Variants in ATP2B2 observed in about 807,000 individuals in gnomAD.
ATP2B2 encodes ATPase plasma membrane Ca2+ transporting 2, also known as plasma membrane calcium-transporting ATPase 2.
Under a neutral mutation model 120.0 loss-of-function variants are expected in ATP2B2, and 15 were observed. The ratio of observed to expected loss-of-function variants is 0.12; its 90% CI spans 0.08 to 0.19. ATP2B2 has a LOEUF of 0.19. ATP2B2 is among the 10% of genes least tolerant of loss of function. The pLI, the probability that ATP2B2 is intolerant of heterozygous loss-of-function variation, is 1.00. For synonymous variants in ATP2B2, 694 were observed against 700.3 expected (o/e 0.99, Z 0.14); for missense variants, 1,045 against 1,719.8 (o/e 0.61, Z 6.94).
intron 1 of ATP2B2, among the ~76,000 whole-genome samples, chr3:10,452,653 G>A (rs2064102818): frequency 6.9e-6 from 1 of 145,526 alleles, no homozygotes; most frequent in South Asian, 2.2e-4. Flanking sequence ...CAATGCAGTG[G>A]CTGGGGCTTG....
intron 1 of ATP2B2, among the ~76,000 whole-genome samples, chr3:10,647,356 C>A (rs185874349): frequency 2.3e-3 from 351 of 152,162 alleles, no homozygotes; most frequent in African/African-American, 8.1e-3. Flanking sequence ...GACATCTCAC[C>A]GTGAGATCAA....
chr3:10,542,462 G>A (rs1034060430), intron 2 of ATP2B2, among the ~76,000 whole-genome samples: 7 of 152,244 alleles, frequency 4.6e-5, no homozygotes, highest in African/African-American at 1.7e-4. Context: ...GATGTCCCAA[G>A]AATTCTTTTT....
intron 2 of ATP2B2, among the ~76,000 whole-genome samples, chr3:10,614,235 G>C (rs1207210701): frequency 6.6e-6 from 1 of 152,088 alleles, no homozygotes; most frequent in Non-Finnish European, 1.5e-5. Flanking sequence ...CGTATTCCTA[G>C]TGTTTGGCTC....
intron 2 of ATP2B2, among the ~76,000 whole-genome samples, chr3:10,590,396 A>G (rs892855256): frequency 1.3e-5 from 2 of 152,238 alleles, no homozygotes; most frequent in Non-Finnish European, 2.9e-5. Flanking sequence ...GTACGCTAAA[A>G]GTATGTTTTA....
chr3:10,597,226 C>T (rs965810579), intron 2 of ATP2B2, among the ~76,000 whole-genome samples: 1 of 150,094 alleles, frequency 6.7e-6, no homozygotes, highest in East Asian at 2.0e-4. Flanking sequence ...GGCACACACA[C>T]ACAGAGGCAC....
At chr3:10,692,390 G>A (rs1003385921) in intron 1 of ATP2B2, among the ~76,000 whole-genome samples, 1 of 152,172 alleles carries the variant, frequency 6.6e-6, no homozygotes, top group East Asian at 1.9e-4. Flanking sequence ...ATCTGGCCTC[G>A]CAGACTTTTT....
rs2059887564 is a variant in ATP2B2 at position 10,327,948 on chromosome 3, G to C, written c.*866C>G. 1.3e-5 allele frequency: 2 copies of C among 152,616 alleles called. No homozygotes were observed. Among genetic ancestry groups the C allele is most frequent in the African/African-American group, 4.8e-5 (2 of 41,428 alleles). 9.5% of individuals were successfully genotyped at this position (152,616 alleles called of 1,614,324 possible). A position where few individuals can be genotyped will look rare whatever the true frequency, so the allele number is the denominator to read the frequency against. ...TCTGTTGGGCCGAGCTGTTTTTATA[G>C]CATCTCAGCCACCAGTGTTCTTAAA... On this transcript the variant is annotated 3_prime_UTR_variant, in exon 23 of 23. Coordinates refer to ENST00000360273, the MANE Select transcript of ATP2B2 (RefSeq NM_001001331.4).
At position 10,542,581 on chromosome 3, in the gene ATP2B2, C is replaced by T. The variant is rs368166112; in HGVS notation, c.-414-8448G>A. Among the ~76,000 whole-genome samples the T allele has an allele frequency of 6.6e-5, 10 of 152,098 alleles. No individual in the cohort carries two copies. In the East Asian group the frequency reaches 1.3e-3, roughly 20 times the overall value. Reference sequence around the variant, plus strand: ...TTCATCTGAGAATGTCTTGATTTCTCCTTCATTTTTGAAAAATATTTTTGC... The same window carrying T: ...TTCATCTGAGAATGTCTTGATTTCTTCTTCATTTTTGAAAAATATTTTTGC... On this transcript the variant is annotated intron_variant, in intron 2 of 21. Coordinates refer to the ATP2B2 transcript ENST00000646379.
chr3:10,512,910 C>T lies in ATP2B2; in HGVS notation c.-320+21129G>A, dbSNP rs1027269286. ...GTGTGACTTTGGGCAAGTCTCTCAA[C>T]CTCTCTGGCCTCAGGCTCCTCATTT... On this transcript the variant is annotated intron_variant, in intron 3 of 21. Coordinates refer to the ATP2B2 transcript ENST00000646379. 7.2e-5 allele frequency among the ~76,000 whole-genome samples: 11 copies of T among 152,238 alleles called. 1 individual carries two copies. The highest frequency in any genetic ancestry group is 5.9e-4 in the Admixed American group (9 of 15,286).
intron 1 of ATP2B2, among the ~76,000 whole-genome samples, chr3:10,627,189 G>A (rs2069727853): frequency 6.6e-6 from 1 of 152,216 alleles, no homozygotes; most frequent in African/African-American, 2.4e-5. Flanking sequence ...GAATCTGTCA[G>A]ATTGACTGGG....
chr3:10,573,198 A>G (rs948593000), intron 2 of ATP2B2, among the ~76,000 whole-genome samples: 4 of 151,612 alleles, frequency 2.6e-5, no homozygotes, highest in African/African-American at 9.7e-5. Flanking sequence ...GACAGGGTTA[A>G]TTAAAAGAAA....
At chr3:10,384,182 T>C (rs2061607426) in intron 8 of ATP2B2, among the ~76,000 whole-genome samples, 1 of 152,196 alleles carries the variant, frequency 6.6e-6, no homozygotes, top group Non-Finnish European at 1.5e-5. Flanking sequence ...TGCAGGTGGC[T>C]TGGGGAGAGG....
chr3:10,562,095 G>A (rs1174456336), intron 2 of ATP2B2, among the ~76,000 whole-genome samples: 2 of 152,206 alleles, frequency 1.3e-5, no homozygotes, highest in African/African-American at 4.8e-5. Context: ...CTCAGAATGT[G>A]GATGAGGTCT....
chr3:10,623,333 T>G (rs1365457457), intron 1 of ATP2B2, among the ~76,000 whole-genome samples: 1 of 152,178 alleles, frequency 6.6e-6, no homozygotes, highest in African/African-American at 2.4e-5. Flanking sequence ...GCTGGGAATA[T>G]AGGCCTGAGC....
At position 10,338,301 on chromosome 3, in the gene ATP2B2, T is replaced by C; in HGVS notation, c.3295A>G (p.Thr1099Ala). ...TCCTCCGGGATCTCCTCCTTCTGTG[T>C]GAGCCTGCCTGCCTCCTTGAGGAAC... ...LKFLKEAGRL[T>A]QKEEIPEEEL... The change falls in exon 22 of 23, where the codon ACA becomes GCA. Residue 1099 changes from threonine to alanine, a missense_variant. Physicochemically the swap from Thr to Ala is moderately conservative, Grantham distance 58 (BLOSUM62 0). Around this residue, in one of 11 missense-constraint regions of ATP2B2, gnomAD observed 211 missense variants for 385.1 expected, o/e 0.55. Transcript: ENST00000360273. The C allele has an allele frequency of 6.2e-7, 1 of 1,614,204 alleles. No individual in the cohort carries two copies. Among genetic ancestry groups the C allele is most frequent in the Non-Finnish European group, 8.5e-7 (1 of 1,180,034 alleles).
At position 10,356,219 on chromosome 3, in the gene ATP2B2, G is replaced by T. The variant is rs1217234993; in HGVS notation, c.2136+2472C>A. On this transcript the variant is annotated intron_variant, in intron 14 of 22. Coordinates refer to ENST00000360273, the MANE Select transcript of ATP2B2 (RefSeq NM_001001331.4). ...CAGGCAAAGGCCCTGAGGCAGGGAG[G>T]CAGAAAACCTGTTCTAATCTGGGTT... Among the ~76,000 whole-genome samples the T allele has an allele frequency of 2.0e-5, 3 of 149,408 alleles. No homozygotes were observed. In the South Asian group the frequency reaches 6.4e-4, roughly 32 times the overall value.
chr3:10,528,513 T>C (rs939868777), intron 3 of ATP2B2, among the ~76,000 whole-genome samples: 6 of 152,222 alleles, frequency 3.9e-5, no homozygotes, highest in African/African-American at 1.4e-4. Flanking sequence ...TATTGTTTCC[T>C]GCTGAGCAAC....
At chr3:10,504,847 G>A (rs946455164) in intron 1 of ATP2B2, among the ~76,000 whole-genome samples, 4 of 152,086 alleles carry the variant, frequency 2.6e-5, no homozygotes, top group Admixed American at 6.5e-5. Flanking sequence ...CTGGCCACCC[G>A]TTCCTGCCAC....
upstream of ATP2B2, among the ~76,000 whole-genome samples, chr3:10,509,403 G>T (rs1234693787): frequency 6.6e-6 from 1 of 152,066 alleles, no homozygotes; most frequent in Non-Finnish European, 1.5e-5. Context: ...GTTCCCCGGG[G>T]GATAAGAAGG....
Sources: allele counts gnomAD v4.1 joint callset (sites outside exome capture counted in the v4.1 genomes callset), GRCh38; gene constraint gnomAD v4.1.1; regional missense constraint gnomAD v4.1.1; transcripts MANE v1.5; gene names NCBI Gene and HGNC (gene_info 2026-07-23, HGNC 2026-07-21).